The following COX10 variants were observed in gnomAD, a reference collection of about 807,000 sequenced individuals.
COX10 encodes cytochrome c oxidase assembly factor heme A:farnesyltransferase COX10, also known as protoheme IX farnesyltransferase, mitochondrial.
COX10 carries 27 observed loss-of-function variants against 37.3 expected under a neutral mutation model. The ratio of observed to expected loss-of-function variants is 0.72; its 90% CI spans 0.53 to 1.00. The LOEUF (loss-of-function observed/expected upper bound fraction) is 1.00. Among genes scored for constraint, COX10 ranks in the 50% least tolerant of loss-of-function variants. The pLI, the probability that COX10 is intolerant of heterozygous loss-of-function variation, is 0.00. For missense variants in COX10, 475 were observed against 563.2 expected, an observed-to-expected ratio of 0.84 and a Z score of 1.59; for synonymous variants, 222 against 229.1, an observed-to-expected ratio of 0.97 and a Z score of 0.28.
chr17:14,197,921 G>A (rs9901316), intron 6 of COX10, among the ~76,000 whole-genome samples: 10,901 of 152,222 alleles, frequency 0.072, 427 homozygotes, highest in South Asian at 0.11. Flanking sequence ...TTTTACTTGT[G>A]TCCATTTTCC....
intron 6 of COX10, among the ~76,000 whole-genome samples, chr17:14,206,168 C>T (rs371986181): frequency 1.3e-5 from 2 of 152,030 alleles, no homozygotes; most frequent in African/African-American, 4.8e-5. Context: ...CAGGGTGTGA[C>T]GCACCCGCCT....
intron 6 of COX10, among the ~76,000 whole-genome samples, chr17:14,195,157 A>G (rs1291853802): frequency 6.6e-6 from 1 of 152,252 alleles, no homozygotes; most frequent in Non-Finnish European, 1.5e-5. Flanking sequence ...CTACTTCAAA[A>G]AAGTTTCCAA....
At chr17:14,078,134 T>G (rs1288159056) in intron 3 of COX10, among the ~76,000 whole-genome samples, 1 of 152,090 alleles carries the variant, frequency 6.6e-6, no homozygotes, top group East Asian at 1.9e-4. Flanking sequence ...ATGAATTCTG[T>G]GTGATAAGCT....
At chr17:14,146,666 T>C (rs193285601) in intron 4 of COX10, among the ~76,000 whole-genome samples, 26 of 152,094 alleles carry the variant, frequency 1.7e-4, no homozygotes, top group Non-Finnish European at 3.2e-4. Flanking sequence ...AAAAGCTTCT[T>C]CACAGGAAAG....
chr17:14,105,330 GTAA>G (rs1915867436), intron 4 of COX10, among the ~76,000 whole-genome samples: 2 of 152,092 alleles, frequency 1.3e-5, no homozygotes, highest in Non-Finnish European at 2.9e-5. Flanking sequence ...GCTTCTATAA[GTAA>G]CACTGCACAG....
chr17:14,120,635 A>G (rs928449953), intron 4 of COX10, among the ~76,000 whole-genome samples: 3 of 152,142 alleles, frequency 2.0e-5, no homozygotes. Context: ...CCACAGTGAG[A>G]CAGAATTCCA....
chr17:14,071,641 TG>T (rs747242186), intron 1 of COX10, among the ~76,000 whole-genome samples: 7 of 149,524 alleles, frequency 4.7e-5, no homozygotes, highest in Non-Finnish European at 7.4e-5. Flanking sequence ...CCCAGAACTT[TG>T]GGAGGCCAAG....
At chr17:14,141,898 A>G (rs1186947115) in intron 4 of COX10, among the ~76,000 whole-genome samples, 1 of 152,198 alleles carries the variant, frequency 6.6e-6, no homozygotes. Context: ...ATAGAATTGT[A>G]CTAAATAGAG....
intron 5 of COX10, among the ~76,000 whole-genome samples, chr17:14,190,975 G>GA (rs965851989): frequency 2.3e-4 from 35 of 152,114 alleles, no homozygotes; most frequent in African/African-American, 8.5e-4. Context: ...TGCTTGCTAA[G>GA]AAACGTGTTG....
intron 4 of COX10, among the ~76,000 whole-genome samples, chr17:14,133,843 C>T (rs1916518835): frequency 6.6e-6 from 1 of 151,472 alleles, no homozygotes; most frequent in African/African-American, 2.4e-5. Flanking sequence ...TCAGTGTAGT[C>T]TTAATTAGTG....
chr17:14,090,548 T>C (rs1281525381), intron 3 of COX10, among the ~76,000 whole-genome samples: 1 of 152,194 alleles, frequency 6.6e-6, no homozygotes, highest in Non-Finnish European at 1.5e-5. Context: ...CAGAGATGCA[T>C]TTTTGTTCAT....
chr17:14,112,220 A>G (rs1353233759), intron 4 of COX10, among the ~76,000 whole-genome samples: 1 of 152,174 alleles, frequency 6.6e-6, no homozygotes, highest in Non-Finnish European at 1.5e-5. Flanking sequence ...CTCAGTGAAC[A>G]TTCAGGCTTT....
intron 6 of COX10, among the ~76,000 whole-genome samples, chr17:14,201,342 C>T (rs533220521): frequency 4.4e-4 from 67 of 152,198 alleles, no homozygotes; most frequent in Non-Finnish European, 6.6e-4. Context: ...CAAGTAAAGC[C>T]GTGTGTGGGT....
intron 5 of COX10, among the ~76,000 whole-genome samples, chr17:14,165,975 A>G (rs1399687936): frequency 6.6e-6 from 1 of 152,250 alleles, no homozygotes; most frequent in East Asian, 1.9e-4. Flanking sequence ...GAGGTGAGGA[A>G]ACTGCAGAAG....
intron 4 of COX10, among the ~76,000 whole-genome samples, chr17:14,145,200 G>A (rs1277678172): frequency 1.3e-5 from 2 of 151,234 alleles, no homozygotes; most frequent in Middle Eastern, 3.4e-3. Flanking sequence ...GGTGGGTGGG[G>A]GCGCTGTGTA....
chr17:14,141,239 A>G (rs1039730860), intron 4 of COX10, among the ~76,000 whole-genome samples: 1 of 152,064 alleles, frequency 6.6e-6, no homozygotes, highest in Non-Finnish European at 1.5e-5. Flanking sequence ...TTATACCTAT[A>G]AAGACTACCT....
At chr17:14,098,428 C>T (rs1442972265) in intron 3 of COX10, among the ~76,000 whole-genome samples, 1 of 152,002 alleles carries the variant, frequency 6.6e-6, no homozygotes, top group Non-Finnish European at 1.5e-5. Context: ...TGTGAAGAGT[C>T]GCCTAACCAG....
At chr17:14,179,497 C>T (rs1905791104) in intron 5 of COX10, among the ~76,000 whole-genome samples, 1 of 152,144 alleles carries the variant, frequency 6.6e-6, no homozygotes. Context: ...GGGTGAAAAA[C>T]CTAGCCACAT....
intron 4 of COX10, among the ~76,000 whole-genome samples, chr17:14,136,759 G>C (rs1215439899): frequency 1.3e-5 from 2 of 151,880 alleles, no homozygotes; most frequent in Admixed American, 1.3e-4. Context: ...GACATGTATG[G>C]TTTTAGTCTG....
Sources: gnomAD v4.1 joint callset for allele counts (sites outside exome capture counted in the v4.1 genomes callset) on GRCh38, gnomAD v4.1.1 for gene constraint, MANE v1.5 for transcripts, NCBI Gene and HGNC (gene_info 2026-07-23, HGNC 2026-07-21) for gene names.